Variants in AKAIN1 observed in about 807,000 individuals in gnomAD.
The protein encoded by AKAIN1 is A-kinase anchor inhibitor 1.
In AKAIN1, 3 loss-of-function variants were observed where a neutral mutation model predicts 3.7. That is an observed-to-expected ratio of 0.82 (90% confidence interval 0.37 to 2.12). AKAIN1 has a LOEUF of 2.12. AKAIN1 is among the 30% of genes most tolerant of loss of function. AKAIN1 has a pLI of 0.06. For missense variants in AKAIN1, 82 were observed against 82.7 expected (o/e 0.99, Z 0.03); for synonymous variants, 31 against 30.8 (o/e 1.01, Z -0.02).
intron 1 of AKAIN1, among the ~76,000 whole-genome samples, chr18:5,157,154 A>G (rs9953653): frequency 0.056 from 8,483 of 152,204 alleles, 734 homozygotes; most frequent in African/African-American, 0.19. Context: ...CTGGAGGCTC[A>G]GAATATTGTT....
chr18:5,156,765 G>A (rs967448851), intron 1 of AKAIN1, among the ~76,000 whole-genome samples: 1 of 152,204 alleles, frequency 6.6e-6, no homozygotes, highest in Non-Finnish European at 1.5e-5. Flanking sequence ...CTTTAAAGCA[G>A]CTCCATGGCC....
At chr18:5,170,378 C>T (rs1306825114) in intron 1 of AKAIN1, among the ~76,000 whole-genome samples, 2 of 152,062 alleles carry the variant, frequency 1.3e-5, no homozygotes, top group Non-Finnish European at 2.9e-5. Context: ...CTGTAGTAAG[C>T]ATTCACAACT....
chr18:5,171,533 C>T (rs1333207640), intron 1 of AKAIN1, among the ~76,000 whole-genome samples: 2 of 151,838 alleles, frequency 1.3e-5, no homozygotes, highest in Non-Finnish European at 2.9e-5. Context: ...GCAACAGATC[C>T]GAATAGACAG....
chr18:5,145,650 C>T lies in AKAIN1; in HGVS notation c.122G>A (p.Ser41Asn), dbSNP rs907412229. The change falls in exon 2 of 2, where the codon AGT (serine) becomes AAT (asparagine). Residue 41 changes from serine (S) to asparagine (N), a missense_variant. By Grantham distance (46) the Ser-to-Asn change is conservative. Transcript: ENST00000434239. The part of the protein sequence containing the change: ...LQAVQQVSQE[S>N]QRREERISDN... ...ACTGATTCTCTCTTCTCTGCGCTGA[C>T]TCTCCTGGGAGACTTGCTGCACAGC... 19 of 1,551,582 alleles carry T rather than the reference C, an allele frequency of 1.2e-5. No individual in the cohort carries two copies. The African/African-American group carries it at 1.5e-4, about 12-fold the overall frequency.
At chr18:5,196,138 A>G (rs1567882028) in intron 1 of AKAIN1, among the ~76,000 whole-genome samples, 1 of 152,202 alleles carries the variant, frequency 6.6e-6, no homozygotes, top group Non-Finnish European at 1.5e-5. Flanking sequence ...AGAGAGTTCT[A>G]GGCCCCTCCA....
intron 1 of AKAIN1, among the ~76,000 whole-genome samples, chr18:5,149,472 T>G (rs967995752): frequency 2.6e-5 from 4 of 152,112 alleles, no homozygotes; most frequent in Non-Finnish European, 5.9e-5. Flanking sequence ...ATATTACAAC[T>G]CAGATATTGG....
At chr18:5,145,952 G>A (rs2071047065) in intron 1 of AKAIN1, among the ~76,000 whole-genome samples, 197 bp from the exon 2 acceptor site, 1 of 152,100 alleles carries the variant, frequency 6.6e-6, no homozygotes, top group Admixed American at 6.5e-5. Context: ...GGATACCAAA[G>A]TCCTTGATAG....
chr18:5,152,774 T>C (rs537734771), intron 1 of AKAIN1, among the ~76,000 whole-genome samples: 1 of 152,122 alleles, frequency 6.6e-6, no homozygotes, highest in African/African-American at 2.4e-5. Flanking sequence ...AAGTCCCTGA[T>C]CTGCGTAACA....
At chr18:5,162,966 C>A (rs2071148136) in intron 1 of AKAIN1, among the ~76,000 whole-genome samples, 1 of 151,836 alleles carries the variant, frequency 6.6e-6, no homozygotes, top group Non-Finnish European at 1.5e-5. Context: ...AATGAAGATT[C>A]TCAGGCTCCA....
At chr18:5,154,708 T>A (rs2071097336) in intron 1 of AKAIN1, among the ~76,000 whole-genome samples, 1 of 151,934 alleles carries the variant, frequency 6.6e-6, no homozygotes, top group African/African-American at 2.4e-5. Context: ...TAGGCTTTCT[T>A]CCCTAACGAT....
chr18:5,165,138 G>A (rs2071160653), intron 1 of AKAIN1, among the ~76,000 whole-genome samples: 1 of 151,920 alleles, frequency 6.6e-6, no homozygotes, highest in African/African-American at 2.4e-5. Context: ...GAGGAATTAT[G>A]GGTTGGTACA....
chr18:5,165,781 T>C (rs900239204), intron 1 of AKAIN1, among the ~76,000 whole-genome samples: 2 of 152,080 alleles, frequency 1.3e-5, no homozygotes, highest in Non-Finnish European at 2.9e-5. Flanking sequence ...CTGTTGCTTG[T>C]TGAAAGTGAG....
rs867518958 is a variant in AKAIN1 at position 5,197,172 on chromosome 18, C to A, written c.-119G>T. On this transcript the variant is annotated 5_prime_UTR_variant, in exon 1 of 2. Transcript: ENST00000434239. This position sits in a 1 kb window ranked among gnomAD's most constrained non-coding sequence, Gnocchi z 6.9. ...GAGGGCGCGCTGGGCGGGCGGCGGG[C>A]GGGGCGGTCAGCACCCCGGACAGCT... is the stretch of plus-strand genomic sequence containing the variant. 63 of 1,509,666 alleles carry A rather than the reference C, an allele frequency of 4.2e-5. No individual in the cohort carries two copies. The African/African-American group carries it at 7.9e-4, about 19-fold the overall frequency. 93.5% of individuals were successfully genotyped at this position (1,509,666 alleles called of 1,614,324 possible).
intron 1 of AKAIN1, among the ~76,000 whole-genome samples, chr18:5,174,926 C>T (rs1024200794): frequency 1.3e-5 from 2 of 152,058 alleles, no homozygotes; most frequent in Non-Finnish European, 2.9e-5. Context: ...AGGGACTATC[C>T]TGTGCACAGT....
At chr18:5,166,928 C>T (rs569349966) in intron 1 of AKAIN1, among the ~76,000 whole-genome samples, 4 of 152,186 alleles carry the variant, frequency 2.6e-5, no homozygotes, top group African/African-American at 7.2e-5. Context: ...AAATATTGCA[C>T]ATAGTTGGCT....
rs532081986 is a variant in AKAIN1 at position 5,143,259 on chromosome 18, G to A, written c.*2303C>T. Among the ~76,000 whole-genome samples the A allele has an allele frequency of 3.4e-4, 52 of 152,170 alleles. No individual in the cohort carries two copies. In the South Asian group the frequency reaches 3.5e-3, roughly 10 times the overall value. On this transcript the variant is annotated 3_prime_UTR_variant, in exon 2 of 2. Transcript: ENST00000434239. ...GTAAAAGTTTATAGGTCTTTAACTC[G>A]TTTGTTTTTATGACTGAGCTTTCTT...
chr18:5,172,920 C>A (rs1243288247), intron 1 of AKAIN1, among the ~76,000 whole-genome samples: 1 of 151,892 alleles, frequency 6.6e-6, no homozygotes, highest in Non-Finnish European at 1.5e-5. Context: ...AAGTTTGCAA[C>A]ATAATTAGAT....
At chr18:5,182,868 A>G (rs2071266111) in intron 1 of AKAIN1, among the ~76,000 whole-genome samples, 1 of 152,132 alleles carries the variant, frequency 6.6e-6, no homozygotes, top group African/African-American at 2.4e-5. Flanking sequence ...GTGCAAGGAC[A>G]GAGTCCATTT....
At chr18:5,150,513 T>C (rs940940073) in intron 1 of AKAIN1, among the ~76,000 whole-genome samples, 1 of 152,220 alleles carries the variant, frequency 6.6e-6, no homozygotes, top group African/African-American at 2.4e-5. Flanking sequence ...AAATGCCCAA[T>C]ATAAATAAAC....
Sources: gnomAD v4.1 joint callset for allele counts (sites outside exome capture counted in the v4.1 genomes callset) on GRCh38, gnomAD v4.1.1 for gene constraint, Gnocchi (gnomAD v3.1) non-coding constraint, MANE v1.5 for transcripts, NCBI Gene and HGNC (gene_info 2026-07-23, HGNC 2026-07-21) for gene names.